PPP2R5C: variants seen among roughly 807,000 people sequenced by gnomAD.
PPP2R5C encodes the protein protein phosphatase 2 regulatory subunit B'gamma.
Under a neutral mutation model 68.9 loss-of-function variants are expected in PPP2R5C, and 7 were observed. The observed-to-expected ratio is 0.10, with a 90% CI of 0.06 to 0.19. The LOEUF (loss-of-function observed/expected upper bound fraction) is 0.19, where lower values mean the gene tolerates loss of function less well. PPP2R5C is among the 10% of genes least tolerant of loss of function. PPP2R5C has a pLI of 1.00. For synonymous variants in PPP2R5C, 210 were observed against 222.2 expected, an observed-to-expected ratio of 0.95 and a Z score of 0.49; for missense variants, 348 against 641.3, an observed-to-expected ratio of 0.54 and a Z score of 4.94.
intron 1 of PPP2R5C, among the ~76,000 whole-genome samples, chr14:101,811,383 C>T (rs1377346562): frequency 4.6e-5 from 7 of 152,184 alleles, no homozygotes; most frequent in African/African-American, 1.7e-4. Flanking sequence ...TCTTGTCACC[C>T]AGGCTGGAGT....
intron 2 of PPP2R5C, among the ~76,000 whole-genome samples, chr14:101,779,928 G>T (rs2037594394): frequency 6.6e-6 from 1 of 152,124 alleles, no homozygotes; most frequent in Non-Finnish European, 1.5e-5. Flanking sequence ...TGTTCATTTG[G>T]ACTATTTTCA....
At chr14:101,884,273 G>GCCCA (rs1444167037) in intron 5 of PPP2R5C, among the ~76,000 whole-genome samples, 3 of 152,206 alleles carry the variant, frequency 2.0e-5, no homozygotes, top group African/African-American at 7.2e-5. Context: ...ATTAGATGGT[G>GCCCA]CCCACCCAGG....
At chr14:101,766,017 C>A (rs943253598) in intron 2 of PPP2R5C, 4 of 152,236 alleles carry the variant, frequency 2.6e-5, no homozygotes, top group African/African-American at 9.7e-5. Context: ...AGAGCAGGGA[C>A]CTGTCCAGGG....
intron 10 of PPP2R5C, among the ~76,000 whole-genome samples, chr14:101,907,590 TAAAG>T (rs1336831958): frequency 6.6e-6 from 1 of 152,156 alleles, no homozygotes; most frequent in Non-Finnish European, 1.5e-5. Context: ...ACTCAGAACT[TAAAG>T]AAGAGCAGGT....
At chr14:101,846,206 C>T (rs921947337) in intron 1 of PPP2R5C, among the ~76,000 whole-genome samples, 2 of 152,112 alleles carry the variant, frequency 1.3e-5, no homozygotes, top group Admixed American at 1.3e-4. Flanking sequence ...CGGAGGGAGG[C>T]GGGGACATTG....
At chr14:101,827,323 A>G (rs2040459300) in intron 1 of PPP2R5C, among the ~76,000 whole-genome samples, 2 of 152,140 alleles carry the variant, frequency 1.3e-5, no homozygotes, top group Admixed American at 6.5e-5. Context: ...TCTAGGATGT[A>G]TATTGCATTT....
exon 2 of PPP2R5C, chr14:101,856,831 C>T (rs2042449523): frequency 1.2e-6 from 2 of 1,614,100 alleles, no homozygotes; most frequent in East Asian, 2.2e-5. Flanking sequence ...TAGAATATAT[C>T]ACCCATAATC....
upstream of PPP2R5C, among the ~76,000 whole-genome samples, chr14:101,760,964 C>CGAGGGGAGGG (rs1234546558): frequency 2.7e-5 from 2 of 75,012 alleles, no homozygotes; most frequent in Admixed American, 1.3e-4. Context: ...ACGGGCTGGT[C>CGAGGGGAGGG]GAGGGGAGGG....
rs948181815 is a variant in PPP2R5C, at chr14:101,925,364, A to T, written c.*92A>T. The T allele has an allele frequency of 4.4e-5, 67 of 1,513,296 alleles. No individual in the cohort carries two copies. In the African/African-American group the frequency reaches 7.6e-4, roughly 17 times the overall value. The allele number at this position is 1,513,296 out of a possible 1,614,324, so 93.7% of individuals were successfully genotyped here. On this transcript the variant is annotated 3_prime_UTR_variant, in exon 14 of 14. Transcript: ENST00000334743. ...TTCCTGTGCCATACCAATCAGTTACACTCAAAGCTTTCTTGGACCCCGTTC... is the reference window on the plus strand; with the variant it reads ...TTCCTGTGCCATACCAATCAGTTACTCTCAAAGCTTTCTTGGACCCCGTTC...
chr14:101,923,411 A>G (rs2047118843), intron 13 of PPP2R5C, among the ~76,000 whole-genome samples: 2 of 152,152 alleles, frequency 1.3e-5, no homozygotes, highest in Non-Finnish European at 2.9e-5. Flanking sequence ...AGTATATAAA[A>G]ATCTTGGTTT....
rs1208415144 is a variant in PPP2R5C, at chr14:101,905,887, C to T, written c.1024-515C>T. Among the ~76,000 whole-genome samples, 3 of 152,184 alleles carry T rather than the reference C, an allele frequency of 2.0e-5. No homozygotes were observed. In the East Asian group the frequency reaches 5.8e-4, roughly 29 times the overall value. ...TTGAAGCCACCCCACCGCACACGCA[C>T]CGCCGCTGCCTGTTCTCCTGCCCTG... On this transcript the variant is annotated intron_variant, in intron 9 of 13. Coordinates refer to ENST00000334743, the Ensembl canonical transcript of PPP2R5C.
At chr14:101,798,323 A>G (rs2038710819) in intron 3 of PPP2R5C, among the ~76,000 whole-genome samples, 1 of 152,240 alleles carries the variant, frequency 6.6e-6, no homozygotes, top group African/African-American at 2.4e-5. Flanking sequence ...CTTAAAAAAT[A>G]AAACCTTCAG....
intron 1 of PPP2R5C, chr14:101,824,215 T>C: frequency 2.5e-6 from 3 of 1,192,810 alleles, no homozygotes; most frequent in Non-Finnish European, 3.2e-6. Context: ...TGAGTAATTC[T>C]TAGGATTTAG....
exon 2 of PPP2R5C, chr14:101,762,964 A>G: frequency 6.4e-7 from 1 of 1,573,560 alleles, no homozygotes; most frequent in Middle Eastern, 1.7e-4. Flanking sequence ...ACACAGTAGA[A>G]TCAGAGGTAA....
chr14:101,768,612 C>T (rs758719952), intron 2 of PPP2R5C, among the ~76,000 whole-genome samples: 2 of 151,998 alleles, frequency 1.3e-5, no homozygotes, highest in Admixed American at 1.3e-4. Context: ...TGCCCCTGCA[C>T]GCAAGCTGTT....
chr14:101,847,803 C>A (rs1014128924), intron 1 of PPP2R5C, among the ~76,000 whole-genome samples: 1 of 151,980 alleles, frequency 6.6e-6, no homozygotes, highest in African/African-American at 2.4e-5. Context: ...ACTGGGACTA[C>A]AGGCACATGC....
chr14:101,921,210 G>A (rs1024742763), intron 13 of PPP2R5C: 33 of 248,734 alleles, frequency 1.3e-4, no homozygotes, highest in Non-Finnish European at 2.3e-4. Context: ...AGTGACTACC[G>A]GCACCACCAC....
At chr14:101,765,038 A>T in intron 2 of PPP2R5C, 1 of 623,118 alleles carries the variant, frequency 1.6e-6, no homozygotes, top group Non-Finnish European at 2.9e-6. Context: ...AGATACCAAA[A>T]TCACTACTAT....
chr14:101,858,127 T>C (rs1183714005), intron 2 of PPP2R5C, among the ~76,000 whole-genome samples: 1 of 152,138 alleles, frequency 6.6e-6, no homozygotes, highest in Non-Finnish European at 1.5e-5. Flanking sequence ...AGAAGAGTAA[T>C]AGGCATAAAC....
Sources: allele counts gnomAD v4.1 joint callset (sites outside exome capture counted in the v4.1 genomes callset), GRCh38; gene constraint gnomAD v4.1.1; transcripts MANE v1.5; gene names NCBI Gene and HGNC (gene_info 2026-07-23, HGNC 2026-07-21).